The following LCORL variants were observed in gnomAD, a reference collection of about 807,000 sequenced individuals.
LCORL encodes the protein ligand-dependent nuclear receptor corepressor-like protein.
A neutral mutation model predicts 141.8 loss-of-function variants in LCORL; 41 were observed. That is an observed-to-expected ratio of 0.29 (90% CI 0.23 to 0.38). The LOEUF is 0.38. Among genes scored for constraint, LCORL ranks in the 10% least tolerant of loss-of-function variants. LCORL has a pLI of 1.00. For missense variants in LCORL, 1,759 were observed against 2,035.0 expected, an observed-to-expected ratio of 0.86 and a Z score of 2.61; for synonymous variants, 618 against 694.1, an observed-to-expected ratio of 0.89 and a Z score of 1.72.
chr4:17,924,909 A>C (rs1268816138), intron 4 of LCORL, among the ~76,000 whole-genome samples: 4 of 152,202 alleles, frequency 2.6e-5, no homozygotes. Flanking sequence ...CTGAATCAGC[A>C]TTCAGTATAT....
chr4:17,843,601 A>G, exon 8 of LCORL: 1 of 564,346 alleles, frequency 1.8e-6, no homozygotes, highest in African/African-American at 1.9e-5. Context: ...CAGTTATTAT[A>G]GTCCAGAAAA....
chr4:17,984,961 T>C (rs1560442614), intron 1 of LCORL, among the ~76,000 whole-genome samples: 1 of 152,206 alleles, frequency 6.6e-6, no homozygotes, highest in Non-Finnish European at 1.5e-5. Flanking sequence ...TGTATTTTTG[T>C]TCTCATTAGT....
At chr4:17,962,924 C>A in intron 3 of LCORL, 46 bp downstream of exon 3, 1 of 1,020,742 alleles carries the variant, frequency 9.8e-7, no homozygotes, top group South Asian at 2.1e-5. Flanking sequence ...AACTGTGTTA[C>A]AATTGTGCAT....
intron 4 of LCORL, among the ~76,000 whole-genome samples, chr4:17,956,491 G>A (rs968816307): frequency 3.3e-5 from 5 of 151,958 alleles, no homozygotes; most frequent in Non-Finnish European, 5.9e-5. Flanking sequence ...AAATCCTGCC[G>A]TTTGCAGCAA....
rs141625660 is a variant in LCORL, at chr4:17,977,812, G to A, written c.155-4927C>T. On this transcript the variant is annotated intron_variant, in intron 1 of 7. Coordinates refer to ENST00000635767, the Ensembl canonical transcript of LCORL. Reference sequence around the variant, plus strand: ...GTTTTTTCTTTACAGTGGTTTTTCTGCTCTAACAATCATTTTCTTTATCCC... The same window carrying A: ...GTTTTTTCTTTACAGTGGTTTTTCTACTCTAACAATCATTTTCTTTATCCC... 6.7e-3 allele frequency among the ~76,000 whole-genome samples: 1,013 copies of A among 152,158 alleles called. 14 individuals carry two copies. The highest frequency in any genetic ancestry group is 0.023 in the African/African-American group (975 of 41,520).
intron 4 of LCORL, among the ~76,000 whole-genome samples, chr4:17,915,193 A>C (rs1371857915): frequency 6.6e-6 from 1 of 152,022 alleles, no homozygotes; most frequent in Non-Finnish European, 1.5e-5. Flanking sequence ...AGCCATAACT[A>C]TGAGCAGTCC....
chr4:17,845,871 C>G (rs760667644), exon 8 of LCORL: 2 of 1,611,994 alleles, frequency 1.2e-6, no homozygotes, highest in South Asian at 2.2e-5. Flanking sequence ...CAGACACATT[C>G]AGTTTCTCAT....
chr4:17,877,860 G>A, exon 7 of LCORL: 1 of 1,230,706 alleles, frequency 8.1e-7, no homozygotes, highest in East Asian at 3.2e-5. Context: ...GTGTTCAACA[G>A]TTACAGTTTG....
chr4:17,875,413 A>C (rs1007308985), exon 7 of LCORL: 1 of 1,231,294 alleles, frequency 8.1e-7, no homozygotes. Flanking sequence ...CTTTCACCCA[A>C]GTCAATTTTG....
At chr4:17,990,934 T>C (rs1247928231) in intron 1 of LCORL, among the ~76,000 whole-genome samples, 3 of 152,080 alleles carry the variant, frequency 2.0e-5, no homozygotes, top group East Asian at 3.9e-4. Context: ...GGCACAACAA[T>C]GATTTGAAAG....
intron 5 of LCORL, among the ~76,000 whole-genome samples, chr4:17,896,501 C>G (rs1403220915): frequency 6.6e-6 from 1 of 152,124 alleles, no homozygotes; most frequent in Admixed American, 6.5e-5. Flanking sequence ...AGGCTGGTCT[C>G]GAACTCCTGA....
chr4:17,993,316 C>A (rs901953213), intron 1 of LCORL, among the ~76,000 whole-genome samples: 2 of 152,150 alleles, frequency 1.3e-5, no homozygotes, highest in East Asian at 3.9e-4. Context: ...AATTCTCCTG[C>A]CTCAGCCTTC....
chr4:17,891,037 T>C lies in LCORL; in HGVS notation c.683-4876A>G, dbSNP rs568482660. 2.0e-5 allele frequency among the ~76,000 whole-genome samples: 3 copies of C among 152,234 alleles called. No homozygotes were observed. The South Asian group carries it at 6.2e-4, about 32-fold the overall frequency. ...TCTCCTCTCTAGGAAATTCTTATGGTTTTGTTAATTATATTCGACTGATTG... is the reference window on the plus strand; with the variant it reads ...TCTCCTCTCTAGGAAATTCTTATGGCTTTGTTAATTATATTCGACTGATTG... On this transcript the variant is annotated intron_variant, in intron 5 of 7. Transcript: ENST00000635767.
At chr4:17,998,210 T>A (rs941357418) in intron 1 of LCORL, among the ~76,000 whole-genome samples, 1 of 152,144 alleles carries the variant, frequency 6.6e-6, no homozygotes. Context: ...GGATGGGAAG[T>A]TGCTCTGGGT....
At chr4:17,863,635 C>T (rs1004711970) in intron 7 of LCORL, among the ~76,000 whole-genome samples, 3 of 152,188 alleles carry the variant, frequency 2.0e-5, no homozygotes, top group African/African-American at 7.2e-5. Flanking sequence ...CCAGCAATCC[C>T]ATTACTGGGT....
intron 4 of LCORL, among the ~76,000 whole-genome samples, chr4:17,941,304 A>G (rs1046510343): frequency 6.6e-6 from 1 of 152,112 alleles, no homozygotes; most frequent in Non-Finnish European, 1.5e-5. Context: ...CATATACACT[A>G]TATGCATATA....
chr4:17,892,197 ATTTTTTTTTTTC>A (rs1729186156), intron 5 of LCORL, among the ~76,000 whole-genome samples: 1 of 119,700 alleles, frequency 8.4e-6, no homozygotes. Flanking sequence ...GTCAAATAGT[ATTTTTTTTTTTC>A]TTTTTTTTTT....
intron 5 of LCORL, among the ~76,000 whole-genome samples, chr4:17,908,748 A>C (rs1012975492): frequency 2.0e-5 from 3 of 152,196 alleles, no homozygotes; most frequent in Admixed American, 1.3e-4. Context: ...TACAAAAAAA[A>C]CGAACAAGCA....
At chr4:17,972,472 GT>G (rs1385781507) in intron 2 of LCORL, among the ~76,000 whole-genome samples, 1 of 151,526 alleles carries the variant, frequency 6.6e-6, no homozygotes, top group Non-Finnish European at 1.5e-5. Context: ...TTCAATTAAA[GT>G]TTAATAATTT....
Sources: allele counts gnomAD v4.1 joint callset (sites outside exome capture counted in the v4.1 genomes callset), GRCh38; gene constraint gnomAD v4.1.1; transcripts MANE v1.5; gene names NCBI Gene and HGNC (gene_info 2026-07-23, HGNC 2026-07-21).